PDSS2: variants seen among roughly 807,000 people sequenced by gnomAD.
PDSS2 encodes all trans-polyprenyl-diphosphate synthase PDSS2.
Under a neutral mutation model 44.5 loss-of-function variants are expected in PDSS2, and 31 were observed. That is an observed-to-expected ratio of 0.70 (90% confidence interval 0.52 to 0.94). The LOEUF (loss-of-function observed/expected upper bound fraction) is 0.94. PDSS2 is among the 40% of genes least tolerant of loss of function. The probability of loss-of-function intolerance (pLI) is 0.00; values close to 1 mark genes in which losing one functional copy is unlikely to be tolerated. For synonymous variants in PDSS2, 157 were observed against 180.3 expected (o/e 0.87, Z 1.03); for missense variants, 452 against 482.2 (o/e 0.94, Z 0.59).
chr6:107,289,834 G>GC (rs1776284965), intron 2 of PDSS2, among the ~76,000 whole-genome samples: 1 of 152,220 alleles, frequency 6.6e-6, no homozygotes, highest in South Asian at 2.1e-4. Flanking sequence ...ATGAGGCCAA[G>GC]TAGTGCAAGC....
chr6:107,308,505 C>T (rs1582921895), intron 2 of PDSS2, among the ~76,000 whole-genome samples: 1 of 152,096 alleles, frequency 6.6e-6, no homozygotes, highest in East Asian at 1.9e-4. Context: ...AGATACAATA[C>T]AATGAAATGA....
chr6:107,446,865 T>C (rs1266652299), intron 1 of PDSS2, among the ~76,000 whole-genome samples: 1 of 151,882 alleles, frequency 6.6e-6, no homozygotes, highest in Non-Finnish European at 1.5e-5. Context: ...GAGATTTAGG[T>C]GAGGACATTC....
At chr6:107,244,352 G>C (rs1323820798) in intron 4 of PDSS2, among the ~76,000 whole-genome samples, 1 of 152,198 alleles carries the variant, frequency 6.6e-6, no homozygotes, top group African/African-American at 2.4e-5. Flanking sequence ...TATTTGCTTA[G>C]CTGTTGTCAT....
At chr6:107,305,817 A>G (rs1776841221) in intron 2 of PDSS2, among the ~76,000 whole-genome samples, 2 of 152,216 alleles carry the variant, frequency 1.3e-5, no homozygotes, top group Non-Finnish European at 2.9e-5. Context: ...ACCCCAGAAC[A>G]TTGGGAATAC....
chr6:107,429,091 A>G (rs1781091410), intron 1 of PDSS2, among the ~76,000 whole-genome samples: 1 of 152,196 alleles, frequency 6.6e-6, no homozygotes, highest in Non-Finnish European at 1.5e-5. Context: ...TTCTGAGAAG[A>G]CAGAAACTTT....
chr6:107,336,344 G>A (rs1777893825), intron 1 of PDSS2, among the ~76,000 whole-genome samples: 1 of 150,848 alleles, frequency 6.6e-6, no homozygotes, highest in Non-Finnish European at 1.5e-5. Flanking sequence ...CCTTTCATTA[G>A]TTTCAAAATA....
intron 4 of PDSS2, among the ~76,000 whole-genome samples, chr6:107,225,947 G>C (rs558261751): frequency 5.3e-5 from 8 of 152,320 alleles, no homozygotes; most frequent in African/African-American, 1.7e-4. Context: ...AGCAAAACCA[G>C]AGAGTTCTTG....
At chr6:107,332,630 A>C (rs900962116) in intron 2 of PDSS2, among the ~76,000 whole-genome samples, 2 of 152,168 alleles carry the variant, frequency 1.3e-5, no homozygotes, top group Non-Finnish European at 2.9e-5. Flanking sequence ...AAAAAAACCA[A>C]CAATGAGGTT....
chr6:107,259,210 A>C (rs1232257532), intron 3 of PDSS2, among the ~76,000 whole-genome samples: 1 of 152,236 alleles, frequency 6.6e-6, no homozygotes, highest in Non-Finnish European at 1.5e-5. Flanking sequence ...AATTTTCTAC[A>C]ACTATAAAGT....
intron 3 of PDSS2, among the ~76,000 whole-genome samples, chr6:107,261,727 G>A (rs538135204): frequency 7.9e-5 from 12 of 151,310 alleles, no homozygotes; most frequent in African/African-American, 2.2e-4. Flanking sequence ...ATAGGTGCCC[G>A]CCACCATGCC....
intron 1 of PDSS2, among the ~76,000 whole-genome samples, chr6:107,440,736 T>G (rs1781489583): frequency 6.6e-6 from 1 of 152,186 alleles, no homozygotes; most frequent in African/African-American, 2.4e-5. Context: ...TAGAGGGATA[T>G]ATCCGCTACA....
intron 4 of PDSS2, among the ~76,000 whole-genome samples, chr6:107,232,941 C>A (rs1325630213): frequency 6.6e-6 from 1 of 151,868 alleles, no homozygotes; most frequent in African/African-American, 2.4e-5. Context: ...CTGGGCTCAG[C>A]CTCCCAAGGA....
intron 7 of PDSS2, among the ~76,000 whole-genome samples, chr6:107,179,591 G>T (rs887513366): frequency 2.0e-5 from 3 of 152,100 alleles, no homozygotes; most frequent in Non-Finnish European, 4.4e-5. Flanking sequence ...CATCAAGCCA[G>T]AATGTCAAGG....
chr6:107,215,374 G>A (rs1031805630), intron 4 of PDSS2, among the ~76,000 whole-genome samples: 2 of 152,216 alleles, frequency 1.3e-5, no homozygotes, highest in East Asian at 1.9e-4. Context: ...CCTGGATGAC[G>A]CAGTGAGAAC....
At chr6:107,338,718 T>C (rs1434693217) in intron 1 of PDSS2, among the ~76,000 whole-genome samples, 2 of 152,044 alleles carry the variant, frequency 1.3e-5, no homozygotes, top group African/African-American at 2.4e-5. Flanking sequence ...AGAAACAGTA[T>C]GTGTGGAGGT....
Position 107,424,007 on chromosome 6 carries a change from T to C in PDSS2, c.296+34983A>G, listed in dbSNP as rs544192286. 4.0e-5 allele frequency among the ~76,000 whole-genome samples: 6 copies of C among 148,886 alleles called. No individual in the cohort carries two copies. In the South Asian group the frequency reaches 6.5e-4, roughly 16 times the overall value. ...GCTAAACACTTCATTTAGCAATTAC[T>C]AACAATTATGATTATTTTTATCTTG... On this transcript the variant is annotated intron_variant, in intron 1 of 7. Transcript: ENST00000369037.
At chr6:107,245,232 G>C (rs1020622001) in intron 4 of PDSS2, among the ~76,000 whole-genome samples, 4 of 151,956 alleles carry the variant, frequency 2.6e-5, no homozygotes, top group African/African-American at 9.7e-5. Context: ...GCCTCAGCAC[G>C]AGCTGCTCCT....
chr6:107,239,285 C>A (rs144945396), intron 4 of PDSS2, among the ~76,000 whole-genome samples: 9 of 151,888 alleles, frequency 5.9e-5, no homozygotes, highest in Admixed American at 3.9e-4. Flanking sequence ...TCAAAAAAAA[C>A]CAAAAACCAA....
intron 2 of PDSS2, among the ~76,000 whole-genome samples, chr6:107,286,913 G>A (rs370182813): frequency 1.3e-4 from 20 of 152,114 alleles, no homozygotes; most frequent in South Asian, 4.2e-4. Context: ...GGTGGCACGC[G>A]CCTGTAGTCC....
Sources: gnomAD v4.1 joint callset for allele counts (sites outside exome capture counted in the v4.1 genomes callset) on GRCh38, gnomAD v4.1.1 for gene constraint, MANE v1.5 for transcripts, NCBI Gene and HGNC (gene_info 2026-07-23, HGNC 2026-07-21) for gene names.